EPM2A: variants seen among roughly 807,000 people sequenced by gnomAD.
The protein encoded by EPM2A is laforin.
EPM2A carries 21 observed loss-of-function variants against 26.5 expected under a neutral mutation model. The observed-to-expected ratio is 0.79, with a 90% CI of 0.56 to 1.14. The LOEUF (loss-of-function observed/expected upper bound fraction) is 1.14. Ranked by LOEUF, EPM2A falls within the 50% of genes most tolerant of loss-of-function variation. EPM2A has a pLI of 0.00. For synonymous variants in EPM2A, 217 were observed against 177.6 expected, an observed-to-expected ratio of 1.22 and a Z score of -1.76; for missense variants, 458 against 440.8, an observed-to-expected ratio of 1.04 and a Z score of -0.35.
intron 2 of EPM2A, among the ~76,000 whole-genome samples, chr6:145,564,877 G>T (rs1780861837): frequency 6.6e-6 from 1 of 152,056 alleles, no homozygotes; most frequent in Non-Finnish European, 1.5e-5. Flanking sequence ...AGGGGATCTA[G>T]CTACCCTGCA....
chr6:145,523,624 G>A (rs1044547343), intron 2 of EPM2A, among the ~76,000 whole-genome samples: 3 of 152,112 alleles, frequency 2.0e-5, no homozygotes, highest in East Asian at 1.9e-4. Context: ...CTACTTCACA[G>A]ACTGACTGTT....
At chr6:145,668,578 T>C (rs1203354782) in intron 2 of EPM2A, among the ~76,000 whole-genome samples, 1 of 152,142 alleles carries the variant, frequency 6.6e-6, no homozygotes, top group Non-Finnish European at 1.5e-5. Context: ...GGCAAGAAAG[T>C]AGAGACCCTG....
chr6:145,730,887 G>C (rs940080338), intron 1 of EPM2A, among the ~76,000 whole-genome samples: 1 of 152,176 alleles, frequency 6.6e-6, no homozygotes, highest in African/African-American at 2.4e-5. Flanking sequence ...TCAGCCTGGA[G>C]AGGAGTTGAA....
chr6:145,604,816 T>C (rs952405), intron 2 of EPM2A, among the ~76,000 whole-genome samples: 71,866 of 151,874 alleles, frequency 0.47, 17,716 homozygotes, highest in African/African-American at 0.6. Flanking sequence ...CTTCTCACAC[T>C]GACATGCAGA....
chr6:145,726,637 T>C (rs929386832), intron 1 of EPM2A, among the ~76,000 whole-genome samples: 3 of 152,074 alleles, frequency 2.0e-5, no homozygotes, highest in Non-Finnish European at 2.9e-5. Context: ...TTGATGGTCT[T>C]CCCAAAAACC....
intron 2 of EPM2A, among the ~76,000 whole-genome samples, chr6:145,682,249 G>T (rs1780595052): frequency 1.3e-5 from 2 of 152,092 alleles, no homozygotes; most frequent in South Asian, 2.1e-4. Context: ...GATCTCATGA[G>T]ACTTATTCAC....
chr6:145,673,717 G>A (rs1279584935), intron 2 of EPM2A, among the ~76,000 whole-genome samples: 9 of 152,070 alleles, frequency 5.9e-5, no homozygotes, highest in Non-Finnish European at 4.4e-5. Context: ...GCAGCCTGGT[G>A]GGGGGAGGGG....
intron 1 of EPM2A, among the ~76,000 whole-genome samples, chr6:145,724,184 A>C (rs1776084196): frequency 6.6e-6 from 1 of 152,114 alleles, no homozygotes; most frequent in Non-Finnish European, 1.5e-5. Context: ...AAGTAACTTA[A>C]CTGTCAGAAA....
chr6:145,417,484 G>T (rs1357714067), intron 4 of EPM2A, among the ~76,000 whole-genome samples: 1 of 152,080 alleles, frequency 6.6e-6, no homozygotes, highest in African/African-American at 2.4e-5. Context: ...TTCAGTAAGT[G>T]TGTTTTCATG....
chr6:145,471,660 C>G (rs1779474724), intron 4 of EPM2A, among the ~76,000 whole-genome samples: 1 of 152,122 alleles, frequency 6.6e-6, no homozygotes, highest in African/African-American at 2.4e-5. Flanking sequence ...GACAAGAAAA[C>G]CAGACAAAGT....
intron 2 of EPM2A, among the ~76,000 whole-genome samples, chr6:145,650,249 T>G (rs1471329631): frequency 3.3e-5 from 5 of 152,050 alleles, no homozygotes; most frequent in African/African-American, 1.2e-4. Flanking sequence ...ATATACCTTC[T>G]CAAAAATATT....
In EPM2A at chr6:145,424,978, ATATC is replaced by A. The variant is rs767837617; in HGVS notation, c.556-40885_556-40882del. 5.3e-5 allele frequency among the ~76,000 whole-genome samples: 3 copies of A among 57,142 alleles called. No homozygotes were observed. In the East Asian group the frequency reaches 3.1e-3, roughly 59 times the overall value. The allele number at this position is 57,142 out of a possible 152,430, so 37.5% of individuals were successfully genotyped here. On this transcript the variant is annotated intron_variant, in intron 4 of 4. Coordinates refer to the EPM2A transcript ENST00000638717. The stretch of plus-strand genomic sequence containing the variant: ...ATATTAGATATATAGACATAGATCC[ATATC>A]TATCTATTTATCTAATCTACGTACT...
At chr6:145,585,108 T>G (rs1292025078) in intron 2 of EPM2A, among the ~76,000 whole-genome samples, 1 of 152,218 alleles carries the variant, frequency 6.6e-6, no homozygotes, top group African/African-American at 2.4e-5. Context: ...TATAATGTAC[T>G]GTTCTTCTCT....
intron 4 of EPM2A, among the ~76,000 whole-genome samples, chr6:145,474,251 C>A (rs1284273627): frequency 6.6e-6 from 1 of 152,116 alleles, no homozygotes; most frequent in Non-Finnish European, 1.5e-5. Flanking sequence ...CACCTGAGGT[C>A]AGGAGTTTGA....
intron 2 of EPM2A, among the ~76,000 whole-genome samples, chr6:145,506,233 C>T (rs1779972110): frequency 6.6e-6 from 1 of 152,064 alleles, no homozygotes; most frequent in Non-Finnish European, 1.5e-5. Context: ...AAATGAACTC[C>T]ACGTAGTATG....
rs187987903 is a variant in EPM2A, at chr6:145,572,897, G to A, written c.340+62348C>T. ...GGAGTAGCACACTCAAATGAGGAAG[G>A]TGTTGCCTCCAAAATCCAAGTAGGC... On this transcript the variant is annotated intron_variant, in intron 2 of 3. Transcript: ENST00000450221. Among the ~76,000 whole-genome samples the A allele has an allele frequency of 5.5e-3, 835 of 152,334 alleles. 6 individuals are homozygous for A. The highest frequency in any genetic ancestry group is 0.014 in the Middle Eastern group (4 of 294).
At chr6:145,734,699 A>G (rs1776719227) in intron 1 of EPM2A, 1 of 152,256 alleles carries the variant, frequency 6.6e-6, no homozygotes, top group South Asian at 2.1e-4. Flanking sequence ...TTAGTGAATT[A>G]GAGCAGGAAA....
intron 4 of EPM2A, among the ~76,000 whole-genome samples, chr6:145,399,975 T>C (rs1778460438): frequency 6.6e-6 from 1 of 152,202 alleles, no homozygotes; most frequent in Non-Finnish European, 1.5e-5. Flanking sequence ...CTATTACAAA[T>C]TTGTAACTGA....
At chr6:145,618,057 C>T (rs558467456) in intron 2 of EPM2A, among the ~76,000 whole-genome samples, 32 of 152,302 alleles carry the variant, frequency 2.1e-4, no homozygotes, top group African/African-American at 7.2e-4. Context: ...GTTTGCCAAG[C>T]ACTGTTTACA....
Sources: allele counts gnomAD v4.1 joint callset (sites outside exome capture counted in the v4.1 genomes callset), GRCh38; gene constraint gnomAD v4.1.1; transcripts MANE v1.5; gene names NCBI Gene and HGNC (gene_info 2026-07-23, HGNC 2026-07-21).